SMYD3: variants seen among roughly 807,000 people sequenced by gnomAD.
SMYD3 encodes SET and MYND domain containing 3, also known as histone-lysine N-methyltransferase SMYD3.
In SMYD3, 36 loss-of-function variants were observed where a neutral mutation model predicts 57.7. That is an observed-to-expected ratio of 0.62 (90% CI 0.48 to 0.82). The LOEUF is 0.82. SMYD3 is among the 40% of genes least tolerant of loss of function. SMYD3 has a pLI of 0.00. For missense variants in SMYD3, 515 were observed against 538.8 expected (o/e 0.96, Z 0.44); for synonymous variants, 211 against 195.0 (o/e 1.08, Z -0.68).
At position 245,949,178 on chromosome 1, in the gene SMYD3, C is replaced by T. The variant is rs554262837; in HGVS notation, c.532-19241G>A. Among the ~76,000 whole-genome samples, 6 of 152,280 alleles carry T rather than the reference C, an allele frequency of 3.9e-5. No individual in the cohort carries two copies. The South Asian group carries it at 1.2e-3, about 32-fold the overall frequency. On this transcript the variant is annotated intron_variant, in intron 5 of 11. Transcript: ENST00000490107. ...CCAGACGCCCAAGGACCCTCCCACC[C>T]AGCACACTGATGCCACCTACCACCA... is the stretch of plus-strand genomic sequence containing the variant.
intron 1 of SMYD3, among the ~76,000 whole-genome samples, chr1:246,495,096 TC>T (rs1217247251): frequency 2.0e-5 from 3 of 152,112 alleles, no homozygotes; most frequent in Non-Finnish European, 2.9e-5. Context: ...ACGCCTGTAA[TC>T]CCAGCACTTT....
At chr1:246,065,420 T>C (rs529954338) in intron 5 of SMYD3, among the ~76,000 whole-genome samples, 8 of 152,282 alleles carry the variant, frequency 5.3e-5, no homozygotes, top group African/African-American at 1.9e-4. Flanking sequence ...CTAGAGATGC[T>C]CACTACTTAC....
At chr1:246,423,624 C>T (rs549672198) in intron 1 of SMYD3, among the ~76,000 whole-genome samples, 1 of 152,004 alleles carries the variant, frequency 6.6e-6, no homozygotes, top group Non-Finnish European at 1.5e-5. Context: ...TTGCTTGAGG[C>T]CAGGAGTTTA....
At chr1:246,382,343 T>A (rs2066402432) in intron 1 of SMYD3, among the ~76,000 whole-genome samples, 1 of 151,642 alleles carries the variant, frequency 6.6e-6, no homozygotes, top group South Asian at 2.1e-4. Flanking sequence ...GAATGCCAGG[T>A]CAGTCCTCAC....
chr1:246,071,150 T>C (rs1228682009), intron 5 of SMYD3, among the ~76,000 whole-genome samples: 1 of 152,192 alleles, frequency 6.6e-6, no homozygotes, highest in Non-Finnish European at 1.5e-5. Flanking sequence ...ATATCTAAGA[T>C]GTGTAAGTAA....
intron 5 of SMYD3, among the ~76,000 whole-genome samples, chr1:246,167,502 GTTTTT>G (rs564629044): frequency 6.8e-6 from 1 of 146,994 alleles, no homozygotes; most frequent in Non-Finnish European, 1.5e-5. Flanking sequence ...CCTCATTACG[GTTTTT>G]TTTTCTTTTT....
At chr1:245,918,416 C>A (rs889261958) in intron 7 of SMYD3, among the ~76,000 whole-genome samples, 1 of 152,088 alleles carries the variant, frequency 6.6e-6, no homozygotes, top group African/African-American at 2.4e-5. Flanking sequence ...AAGGAGTGTC[C>A]GTAGCACCGT....
At chr1:245,912,427 C>T (rs868101782) in intron 8 of SMYD3, among the ~76,000 whole-genome samples, 12 of 152,204 alleles carry the variant, frequency 7.9e-5, no homozygotes, top group African/African-American at 2.4e-4. Context: ...AATGATGATA[C>T]TATCCAAAGC....
chr1:246,316,518 C>A (rs2065160302), intron 5 of SMYD3, among the ~76,000 whole-genome samples: 1 of 149,688 alleles, frequency 6.7e-6, no homozygotes, highest in South Asian at 2.1e-4. Flanking sequence ...AGCCACCACG[C>A]CCAGCTAATT....
chr1:245,786,959 C>G (rs2047068952), intron 10 of SMYD3, among the ~76,000 whole-genome samples: 1 of 152,158 alleles, frequency 6.6e-6, no homozygotes, highest in Non-Finnish European at 1.5e-5. Context: ...CATAGAGTAA[C>G]TCAGCTCTCA....
intron 10 of SMYD3, among the ~76,000 whole-genome samples, chr1:245,778,317 T>C (rs1052099880): frequency 2.6e-5 from 4 of 152,126 alleles, no homozygotes; most frequent in Admixed American, 6.5e-5. Context: ...GGCAAAGAGA[T>C]AGACACAAAA....
intron 5 of SMYD3, among the ~76,000 whole-genome samples, chr1:246,001,916 C>T (rs547305256): frequency 6.6e-6 from 1 of 152,278 alleles, no homozygotes; most frequent in Non-Finnish European, 1.5e-5. Flanking sequence ...GAGATTTTGA[C>T]AGATTCTCCG....
chr1:246,017,104 T>C (rs368582566), intron 5 of SMYD3, among the ~76,000 whole-genome samples: 1 of 152,204 alleles, frequency 6.6e-6, no homozygotes, highest in East Asian at 1.9e-4. Context: ...TGATACATAC[T>C]GTTGCCAAAA....
intron 5 of SMYD3, among the ~76,000 whole-genome samples, chr1:246,032,370 C>G (rs2059692875): frequency 6.6e-6 from 1 of 152,206 alleles, no homozygotes; most frequent in Admixed American, 6.5e-5. Flanking sequence ...CTCTCCCCCT[C>G]CTCTACCCAC....
At chr1:246,130,861 C>A (rs2061576704) in intron 5 of SMYD3, among the ~76,000 whole-genome samples, 1 of 152,110 alleles carries the variant, frequency 6.6e-6, no homozygotes, top group South Asian at 2.1e-4. Flanking sequence ...ATTTCATTCT[C>A]CTACTTGGAA....
chr1:246,181,761 C>T (rs2062554895), intron 5 of SMYD3, among the ~76,000 whole-genome samples: 1 of 152,204 alleles, frequency 6.6e-6, no homozygotes, highest in Admixed American at 6.5e-5. Context: ...TATATTAGTA[C>T]TTCTACAACC....
At chr1:245,977,300 C>T (rs2058469898) in intron 5 of SMYD3, among the ~76,000 whole-genome samples, 1 of 152,254 alleles carries the variant, frequency 6.6e-6, no homozygotes, top group Non-Finnish European at 1.5e-5. Flanking sequence ...TACCACACAA[C>T]AGCCATCCCC....
chr1:246,259,035 T>C (rs113508747), intron 5 of SMYD3, among the ~76,000 whole-genome samples: 16 of 152,342 alleles, frequency 1.1e-4, no homozygotes, highest in African/African-American at 3.8e-4. Context: ...TATTTTTAAA[T>C]TTCTTAAGTG....
intron 5 of SMYD3, among the ~76,000 whole-genome samples, chr1:246,274,680 T>C (rs1385961863): frequency 2.0e-5 from 3 of 152,150 alleles, no homozygotes; most frequent in Non-Finnish European, 4.4e-5. Flanking sequence ...AAATGCCTCC[T>C]AACAGACACA....
Sources: gnomAD v4.1 joint callset for allele counts (sites outside exome capture counted in the v4.1 genomes callset) on GRCh38, gnomAD v4.1.1 for gene constraint, MANE v1.5 for transcripts, NCBI Gene and HGNC (gene_info 2026-07-23, HGNC 2026-07-21) for gene names.